The following ZC3HAV1 variants were observed in gnomAD, a reference collection of about 807,000 sequenced individuals.
The protein encoded by ZC3HAV1 is zinc finger CCCH-type containing, antiviral 1, also known as zinc finger CCCH-type antiviral protein 1.
ZC3HAV1 carries 41 observed loss-of-function variants against 86.6 expected under a neutral mutation model. The observed-to-expected ratio is 0.47, with a 90% CI of 0.37 to 0.61. The LOEUF is 0.61. Ranked by LOEUF, ZC3HAV1 falls within the 20% of genes least tolerant of loss-of-function variation. The pLI is 0.00. For missense variants in ZC3HAV1, 964 were observed against 1,141.1 expected (o/e 0.84, Z 2.24); for synonymous variants, 421 against 432.1 (o/e 0.97, Z 0.32).
intron 7 of ZC3HAV1, among the ~76,000 whole-genome samples, chr7:139,072,872 G>C (rs1216362255): frequency 6.6e-6 from 1 of 152,126 alleles, no homozygotes; most frequent in African/African-American, 2.4e-5. Flanking sequence ...CTCTTTTCCA[G>C]CTCAAAGCAG....
At position 139,044,924 on chromosome 7, in the gene ZC3HAV1, T is replaced by C. The variant is rs1426066206; in HGVS notation, c.*2670A>G. The C allele has an allele frequency of 6.6e-6, 1 of 152,254 alleles. No homozygotes were observed. The allele number at this position is 152,254 out of a possible 1,614,324, so 9.4% of individuals were successfully genotyped here. The stretch of plus-strand genomic sequence containing the variant: ...GTATTGTCATATGCAAAGAAGTTAT[T>C]GTATCCCTAGTTTTTATTCTAATGC... On this transcript the variant is annotated 3_prime_UTR_variant, in exon 13 of 13. Transcript: ENST00000242351.
intron 1 of ZC3HAV1, among the ~76,000 whole-genome samples, chr7:139,094,779 T>C (rs1817535648): frequency 6.6e-6 from 1 of 152,176 alleles, no homozygotes; most frequent in Non-Finnish European, 1.5e-5. Flanking sequence ...GGAGACTGGC[T>C]TCATCTTACT....
intron 6 of ZC3HAV1, 73 bp downstream of exon 6, chr7:139,076,213 C>T: frequency 7.6e-6 from 12 of 1,585,788 alleles, no homozygotes; most frequent in Middle Eastern, 1.7e-4. Flanking sequence ...TTCTTTTTCC[C>T]CTGAGCCTAG....
chr7:139,074,412 G>A (rs79620819), intron 6 of ZC3HAV1, among the ~76,000 whole-genome samples: 2,501 of 152,138 alleles, frequency 0.016, 68 homozygotes, highest in African/African-American at 0.057. Context: ...CAGAAAATTG[G>A]CAAGGTTAAA....
intron 9 of ZC3HAV1, chr7:139,060,255 G>C (rs2130675681): frequency 2.0e-6 from 2 of 985,222 alleles, no homozygotes; most frequent in Non-Finnish European, 2.4e-6. Context: ...AACCTAGTTA[G>C]AACACCTTGA....
chr7:139,101,920 T>C (rs548573542), intron 1 of ZC3HAV1, among the ~76,000 whole-genome samples: 1 of 152,058 alleles, frequency 6.6e-6, no homozygotes, highest in Admixed American at 6.5e-5. Flanking sequence ...ATTTGTTCAC[T>C]TGTTTATCTG....
chr7:139,106,429 A>G (rs1395959050), intron 1 of ZC3HAV1, among the ~76,000 whole-genome samples: 1 of 152,198 alleles, frequency 6.6e-6, no homozygotes, highest in Non-Finnish European at 1.5e-5. Context: ...CCTGGCCAAC[A>G]TCGCGAAACC....
intron 1 of ZC3HAV1, among the ~76,000 whole-genome samples, chr7:139,094,975 C>T (rs1817541810): frequency 6.6e-6 from 1 of 150,594 alleles, no homozygotes; most frequent in South Asian, 2.1e-4. Flanking sequence ...GACAGTAACC[C>T]GAGTCTTTTT....
chr7:139,104,180 C>T (rs73732381), intron 1 of ZC3HAV1, among the ~76,000 whole-genome samples: 3,283 of 152,066 alleles, frequency 0.022, 109 homozygotes, highest in African/African-American at 0.075. Flanking sequence ...ATTCAACTTG[C>T]GAAACAGTCA....
At chr7:139,052,927 A>AT (rs1199925598) in intron 12 of ZC3HAV1, among the ~76,000 whole-genome samples, 1 of 152,018 alleles carries the variant, frequency 6.6e-6, no homozygotes, top group Admixed American at 6.6e-5. Context: ...TCTCAAAAAA[A>AT]AAAAAAAATT....
intron 1 of ZC3HAV1, among the ~76,000 whole-genome samples, chr7:139,103,939 C>T (rs762921333): frequency 3.9e-5 from 6 of 152,002 alleles, no homozygotes; most frequent in Non-Finnish European, 8.8e-5. Context: ...ATTATAAAAT[C>T]ATGGAAGGAC....
At chr7:139,076,129 C>T (rs749099191) in intron 6 of ZC3HAV1, among the ~76,000 whole-genome samples, 157 bp downstream of exon 6, 1 of 152,212 alleles carries the variant, frequency 6.6e-6, no homozygotes, top group South Asian at 2.1e-4. Context: ...TTCATTAACT[C>T]GGCAGGCATT....
chr7:139,055,528 A>G (rs1002529641), intron 9 of ZC3HAV1, among the ~76,000 whole-genome samples: 1 of 152,246 alleles, frequency 6.6e-6, no homozygotes, highest in Non-Finnish European at 1.5e-5. Context: ...CCATTTTCCT[A>G]TTGACTTAAA....
intron 7 of ZC3HAV1, among the ~76,000 whole-genome samples, chr7:139,073,466 T>G (rs2130696960): frequency 6.6e-6 from 1 of 152,120 alleles, no homozygotes; most frequent in East Asian, 1.9e-4. Context: ...TTCAAACATT[T>G]TATTAATAGT....
intron 12 of ZC3HAV1, among the ~76,000 whole-genome samples, 178 bp downstream of exon 12, chr7:139,053,273 C>T (rs1461757560): frequency 6.6e-6 from 1 of 152,174 alleles, no homozygotes. Flanking sequence ...AGCTCCAAGT[C>T]AACTGATTCA....
At chr7:139,066,978 C>G (rs1816623928) in intron 7 of ZC3HAV1, among the ~76,000 whole-genome samples, 1 of 152,154 alleles carries the variant, frequency 6.6e-6, no homozygotes, top group African/African-American at 2.4e-5. Context: ...CTTCAGCCAG[C>G]TCCCGGGTGA....
chr7:139,062,501 G>A (rs1816473620), intron 8 of ZC3HAV1, among the ~76,000 whole-genome samples: 1 of 152,216 alleles, frequency 6.6e-6, no homozygotes, highest in African/African-American at 2.4e-5. Flanking sequence ...TTTTCTGGCT[G>A]CTTCCTTGCA....
At chr7:139,084,391 T>A (rs80243691) in intron 2 of ZC3HAV1, among the ~76,000 whole-genome samples, 1,747 of 152,378 alleles carry the variant, frequency 0.011, 29 homozygotes, top group Middle Eastern at 0.034. Flanking sequence ...AAAGGACATG[T>A]GGGTCTTACC....
In ZC3HAV1 at chr7:139,045,113, C is replaced by T. The variant is rs1234990556; in HGVS notation, c.*2481G>A. 6.6e-6 allele frequency: 1 copy of T among 152,004 alleles called. No homozygotes were observed. Among genetic ancestry groups the T allele is most frequent in the Non-Finnish European group, 1.5e-5 (1 of 68,002 alleles). 9.4% of individuals were successfully genotyped at this position (152,004 alleles called of 1,614,324 possible). A position where few individuals can be genotyped will look rare whatever the true frequency, so the allele number is the denominator to read the frequency against. ...GTACCTTTTATTTCCTCTTTATGTTCATATTAGTTTTATTTAATTTTTAAT... is the reference window on the plus strand; with the variant it reads ...GTACCTTTTATTTCCTCTTTATGTTTATATTAGTTTTATTTAATTTTTAAT... On this transcript the variant is annotated 3_prime_UTR_variant, in exon 13 of 13. Transcript: ENST00000242351.
Sources: allele counts gnomAD v4.1 joint callset (sites outside exome capture counted in the v4.1 genomes callset), GRCh38; gene constraint gnomAD v4.1.1; transcripts MANE v1.5; gene names NCBI Gene and HGNC (gene_info 2026-07-23, HGNC 2026-07-21).